OR9Q1: variants seen among roughly 807,000 people sequenced by gnomAD.
OR9Q1 encodes olfactory receptor 9Q1.
For missense variants in OR9Q1, 374 were observed against 378.8 expected (o/e 0.99, Z 0.11); for synonymous variants, 153 against 148.6 (o/e 1.03, Z -0.22).
chr11:58,102,558 G>GT (rs144193690), intron 2 of OR9Q1, among the ~76,000 whole-genome samples: 258 of 147,466 alleles, frequency 1.7e-3, no homozygotes, highest in African/African-American at 4.3e-3. Context: ...TGGGTGGCAG[G>GT]TTTTTTTTTT....
chr11:58,170,725 C>T (rs1481132287), intron 2 of OR9Q1, among the ~76,000 whole-genome samples: 1 of 152,108 alleles, frequency 6.6e-6, no homozygotes, highest in Non-Finnish European at 1.5e-5. Context: ...TTGCTTGGTT[C>T]TCATTCTCTC....
intron 2 of OR9Q1, among the ~76,000 whole-genome samples, chr11:58,135,356 TACTTATCTACCTGAAC>T (rs1854179848): frequency 6.6e-6 from 1 of 152,208 alleles, no homozygotes; most frequent in Non-Finnish European, 1.5e-5. Context: ...TCGCTTGAAC[TACTTATCTACCTGAAC>T]ACAGACAGCA....
intron 2 of OR9Q1, among the ~76,000 whole-genome samples, chr11:58,144,242 T>C (rs1294000571): frequency 1.4e-5 from 2 of 139,636 alleles, no homozygotes; most frequent in Admixed American, 7.7e-5. Flanking sequence ...TGTGTTCTCA[T>C]TGTTCAATTC....
At chr11:58,099,199 T>C (rs1284344714) in intron 2 of OR9Q1, among the ~76,000 whole-genome samples, 4 of 150,620 alleles carry the variant, frequency 2.7e-5, no homozygotes, top group Non-Finnish European at 4.4e-5. Flanking sequence ...TGCTTAATAG[T>C]GTTTTTCAAA....
At chr11:58,140,968 A>G (rs1291843349) in intron 2 of OR9Q1, among the ~76,000 whole-genome samples, 2 of 152,110 alleles carry the variant, frequency 1.3e-5, no homozygotes, top group African/African-American at 4.8e-5. Context: ...TTCATTGAGT[A>G]GTGGTTTGTA....
At chr11:58,040,236 A>G (rs2119937659) in intron 1 of OR9Q1, among the ~76,000 whole-genome samples, 1 of 152,334 alleles carries the variant, frequency 6.6e-6, no homozygotes, top group African/African-American at 2.4e-5. Context: ...GTGACTTTAA[A>G]TATCTACCTT....
chr11:58,159,779 A>G (rs1196806676), intron 2 of OR9Q1, among the ~76,000 whole-genome samples: 19 of 152,262 alleles, frequency 1.2e-4, no homozygotes, highest in Admixed American at 1.2e-3. Context: ...TTCTGGAGAT[A>G]GATTTGAAAG....
At chr11:58,170,320 C>A (rs1177112617) in intron 2 of OR9Q1, among the ~76,000 whole-genome samples, 1 of 144,296 alleles carries the variant, frequency 6.9e-6, no homozygotes, top group Non-Finnish European at 1.6e-5. Context: ...CTCCAGCCTA[C>A]ACATAACATT....
chr11:58,093,047 ACT>A (rs1320696361), intron 2 of OR9Q1, among the ~76,000 whole-genome samples: 1 of 152,038 alleles, frequency 6.6e-6, no homozygotes, highest in African/African-American at 2.4e-5. Context: ...AACTTCTCTA[ACT>A]CTGTCTATTC....
rs761214382 is a variant in OR9Q1, at chr11:58,118,595, T to C, written c.-14-60836T>C. ...AAGCTGTAGATCAGAGGGTTCAGCA[T>C]GGGGATGACCACTGTATAGAAGACA... On this transcript the variant is annotated intron_variant, in intron 2 of 2. Coordinates refer to ENST00000335397, the MANE Select transcript of OR9Q1 (RefSeq NM_001005212.4). The C allele has an allele frequency of 5.6e-6, 9 of 1,614,040 alleles. No individual in the cohort carries two copies. In the Admixed American group the frequency reaches 1.3e-4, roughly 24 times the overall value.
chr11:58,096,152 T>TC, intron 2 of OR9Q1, among the ~76,000 whole-genome samples: 1 of 142,122 alleles, frequency 7.0e-6, no homozygotes, highest in Non-Finnish European at 1.5e-5. Flanking sequence ...TCCTTTCCCT[T>TC]TTTTTTTTTT....
chr11:58,037,090 A>G (rs1324945429), intron 1 of OR9Q1, among the ~76,000 whole-genome samples: 1 of 152,210 alleles, frequency 6.6e-6, no homozygotes, highest in Non-Finnish European at 1.5e-5. Flanking sequence ...TAATAAAGCC[A>G]CCTCAATCAT....
At chr11:58,172,634 G>A (rs1191358857) in intron 2 of OR9Q1, among the ~76,000 whole-genome samples, 2 of 152,150 alleles carry the variant, frequency 1.3e-5, no homozygotes, top group African/African-American at 4.8e-5. Flanking sequence ...GGACTCAAAC[G>A]CAGGCAATCT....
chr11:58,065,602 G>T (rs765563045), intron 2 of OR9Q1, among the ~76,000 whole-genome samples: 1 of 152,260 alleles, frequency 6.6e-6, no homozygotes, highest in African/African-American at 2.4e-5. Context: ...TGCTGACAAG[G>T]GTGGGTCTGG....
At chr11:58,138,903 C>G (rs1357016882) in intron 2 of OR9Q1, among the ~76,000 whole-genome samples, 2 of 152,138 alleles carry the variant, frequency 1.3e-5, no homozygotes, top group Non-Finnish European at 2.9e-5. Context: ...CTTTGACCAT[C>G]ATGTCCCCAT....
intron 1 of OR9Q1, among the ~76,000 whole-genome samples, chr11:58,036,441 T>A (rs1048658795): frequency 3.3e-5 from 5 of 152,222 alleles, no homozygotes; most frequent in Admixed American, 3.3e-4. Flanking sequence ...TAGCCCATGG[T>A]ACAAGTAGTT....
At chr11:58,073,718 G>A (rs1452362781) in intron 2 of OR9Q1, 2 of 152,148 alleles carry the variant, frequency 1.3e-5, no homozygotes, top group Non-Finnish European at 2.9e-5. Context: ...ATGTGCCATG[G>A]TGGTTTGCTG....
intron 2 of OR9Q1, among the ~76,000 whole-genome samples, chr11:58,111,040 T>C (rs1472529170): frequency 1.3e-5 from 2 of 152,180 alleles, no homozygotes; most frequent in Non-Finnish European, 2.9e-5. Context: ...AGGGATTTCA[T>C]GGCTCATGAG....
chr11:58,042,520 C>A (rs1387897683), intron 1 of OR9Q1, among the ~76,000 whole-genome samples: 1 of 151,386 alleles, frequency 6.6e-6, no homozygotes, highest in Admixed American at 6.6e-5. Flanking sequence ...TGTTTTGGTA[C>A]CAGTACCATG....
Sources: gnomAD v4.1 joint callset for allele counts (sites outside exome capture counted in the v4.1 genomes callset) on GRCh38, gnomAD v4.1.1 for gene constraint, MANE v1.5 for transcripts, NCBI Gene and HGNC (gene_info 2026-07-23, HGNC 2026-07-21) for gene names.